The following MYO3A variants were observed in gnomAD, a reference collection of about 807,000 sequenced individuals.
MYO3A encodes myosin-IIIa.
A neutral mutation model predicts 192.7 loss-of-function variants in MYO3A; 180 were observed. The ratio of observed to expected loss-of-function variants is 0.93; its 90% CI spans 0.83 to 1.06. MYO3A has a LOEUF of 1.06. Ranked by LOEUF, MYO3A falls within the 50% of genes least tolerant of loss-of-function variation. The pLI is 0.00. For missense variants in MYO3A, 1,896 were observed against 1,905.0 expected (o/e 1.00, Z 0.09); for synonymous variants, 628 against 645.3 (o/e 0.97, Z 0.41).
intron 10 of MYO3A, among the ~76,000 whole-genome samples, chr10:26,043,066 A>T (rs1843438629): frequency 6.6e-6 from 1 of 151,930 alleles, no homozygotes; most frequent in Non-Finnish European, 1.5e-5. Flanking sequence ...GACTCATAGA[A>T]GTACTTGGAT....
chr10:26,204,862 G>GT (rs904005461), intron 34 of MYO3A, among the ~76,000 whole-genome samples: 11 of 151,696 alleles, frequency 7.3e-5, no homozygotes, highest in African/African-American at 2.2e-4. Context: ...CTCAGATAAG[G>GT]TTTTTTTTTC....
At chr10:26,148,346 G>T (rs1019245409) in intron 23 of MYO3A, among the ~76,000 whole-genome samples, 1 of 151,998 alleles carries the variant, frequency 6.6e-6, no homozygotes, top group Admixed American at 6.6e-5. Context: ...CTCTTTATTG[G>T]GTGTCATTGA....
At chr10:26,083,257 C>T (rs1438603162) in intron 14 of MYO3A, among the ~76,000 whole-genome samples, 2 of 152,180 alleles carry the variant, frequency 1.3e-5, no homozygotes, top group African/African-American at 2.4e-5. Context: ...GTAGCATATA[C>T]AACATGGATA....
At chr10:26,102,774 A>C (rs1837545049) in intron 17 of MYO3A, among the ~76,000 whole-genome samples, 1 of 152,162 alleles carries the variant, frequency 6.6e-6, no homozygotes, top group Non-Finnish European at 1.5e-5. Context: ...TTCATCTCAG[A>C]GGGGCACCTG....
chr10:26,173,577 C>G, intron 29 of MYO3A, 86 bp from the exon 30 acceptor site: 1 of 1,258,072 alleles, frequency 7.9e-7, no homozygotes. Flanking sequence ...CTTTCTCCCA[C>G]CGGTATCTAG....
At chr10:26,137,862 C>T (rs1174872009) in intron 20 of MYO3A, among the ~76,000 whole-genome samples, 3 of 152,178 alleles carry the variant, frequency 2.0e-5, no homozygotes, top group Non-Finnish European at 4.4e-5. Flanking sequence ...GGAAAAACCC[C>T]ACCCTGGTAA....
At chr10:25,964,043 T>C (rs926611154) in intron 4 of MYO3A, among the ~76,000 whole-genome samples, 7 of 152,282 alleles carry the variant, frequency 4.6e-5, no homozygotes, top group Non-Finnish European at 1.0e-4. Flanking sequence ...AAATATTTCT[T>C]CTGGTAAGTT....
intron 15 of MYO3A, among the ~76,000 whole-genome samples, chr10:26,095,994 T>G (rs997912284): frequency 6.6e-6 from 1 of 152,118 alleles, no homozygotes; most frequent in Non-Finnish European, 1.5e-5. Context: ...GGTGGGTTAA[T>G]GAGACAATGT....
chr10:25,995,942 C>T (rs530969493), intron 4 of MYO3A, among the ~76,000 whole-genome samples: 11 of 152,342 alleles, frequency 7.2e-5, no homozygotes, highest in South Asian at 2.1e-4. Context: ...AAAGGCAACT[C>T]GGGGGTCAGG....
At chr10:26,139,905 A>G (rs1266334075) in intron 20 of MYO3A, among the ~76,000 whole-genome samples, 3 of 152,206 alleles carry the variant, frequency 2.0e-5, no homozygotes, top group Admixed American at 6.5e-5. Flanking sequence ...TCAATCTACA[A>G]ACACGTTTCA....
At chr10:26,121,049 A>T in intron 18 of MYO3A, among the ~76,000 whole-genome samples, 1 of 152,052 alleles carries the variant, frequency 6.6e-6, no homozygotes, top group East Asian at 1.9e-4. Context: ...TTTGGGAGCT[A>T]TTTACATTTC....
intron 4 of MYO3A, among the ~76,000 whole-genome samples, chr10:25,958,658 T>C (rs936981470): frequency 8.5e-5 from 13 of 152,194 alleles, no homozygotes; most frequent in Non-Finnish European, 1.3e-4. Context: ...AAGAATAGCA[T>C]TGAATCTATA....
intron 14 of MYO3A, among the ~76,000 whole-genome samples, chr10:26,075,482 C>T (rs1835473353): frequency 6.6e-6 from 1 of 150,970 alleles, no homozygotes; most frequent in Non-Finnish European, 1.5e-5. Flanking sequence ...TATGCCTTTG[C>T]ATCCTCATAG....
At chr10:26,156,446 T>A (rs1378621067) in intron 25 of MYO3A, among the ~76,000 whole-genome samples, 1 of 152,258 alleles carries the variant, frequency 6.6e-6, no homozygotes, top group African/African-American at 2.4e-5. Flanking sequence ...TAATATGTTA[T>A]ACTTACTTGT....
At chr10:26,114,089 C>T (rs71499382) in intron 17 of MYO3A, among the ~76,000 whole-genome samples, 1 of 152,132 alleles carries the variant, frequency 6.6e-6, no homozygotes, top group African/African-American at 2.4e-5. Flanking sequence ...TGGGTTCCCT[C>T]CTCCCCAACC....
At chr10:25,937,229 G>A (rs1016042147) in intron 2 of MYO3A, among the ~76,000 whole-genome samples, 1 of 152,196 alleles carries the variant, frequency 6.6e-6, no homozygotes, top group African/African-American at 2.4e-5. Context: ...TGCCCACTTT[G>A]GGTGGGGTAT....
At chr10:26,207,836 T>A (rs1033211684) in intron 34 of MYO3A, among the ~76,000 whole-genome samples, 1 of 152,202 alleles carries the variant, frequency 6.6e-6, no homozygotes, top group African/African-American at 2.4e-5. Context: ...TGATAGAGAT[T>A]CCATTGAATC....
chr10:26,057,693 A>G (rs1409085740), intron 10 of MYO3A, among the ~76,000 whole-genome samples: 1 of 152,246 alleles, frequency 6.6e-6, no homozygotes, highest in Non-Finnish European at 1.5e-5. Context: ...ACCACAAATA[A>G]GCAACACTGG....
chr10:26,083,467 T>C (rs570424938), intron 14 of MYO3A, among the ~76,000 whole-genome samples: 2 of 152,208 alleles, frequency 1.3e-5, no homozygotes, highest in Non-Finnish European at 2.9e-5. Flanking sequence ...TCCTTTCTGA[T>C]TTGGGTGCCT....
Sources: gnomAD v4.1 joint callset for allele counts (sites outside exome capture counted in the v4.1 genomes callset) on GRCh38, gnomAD v4.1.1 for gene constraint, MANE v1.5 for transcripts, NCBI Gene and HGNC (gene_info 2026-07-23, HGNC 2026-07-21) for gene names.